Variants in C8orf89 observed in about 807,000 individuals in gnomAD.
C8orf89 encodes putative uncharacterized protein C8orf89.
In C8orf89, 14 loss-of-function variants were observed where a neutral mutation model predicts 15.8. The ratio of observed to expected loss-of-function variants is 0.89; its 90% CI spans 0.59 to 1.39. C8orf89 has a LOEUF of 1.39. C8orf89 is among the 40% of genes most tolerant of loss of function. The probability of loss-of-function intolerance (pLI) is 0.00; values close to 1 mark genes in which losing one functional copy is unlikely to be tolerated. For synonymous variants in C8orf89, 55 were observed against 62.2 expected (o/e 0.88, Z 0.54); for missense variants, 181 against 184.5 (o/e 0.98, Z 0.11).
the C8orf89 span, among the ~76,000 whole-genome samples, chr8:73,274,439 C>T: frequency 2.0e-5 from 3 of 152,164 alleles, no homozygotes; most frequent in African/African-American, 7.2e-5. Flanking sequence ...GTGTGAGCCA[C>T]CGCACCTGGC....
intron 2 of C8orf89, among the ~76,000 whole-genome samples, chr8:73,253,525 G>A (rs554428615): frequency 1.1e-3 from 165 of 151,566 alleles, no homozygotes; most frequent in African/African-American, 3.8e-3. Flanking sequence ...ATTACCTTGG[G>A]CAGTATGGCC....
the C8orf89 span, among the ~76,000 whole-genome samples, chr8:73,271,571 CTTGTACAGCTTGCAGAG>C: frequency 4.6e-5 from 7 of 152,206 alleles, no homozygotes; most frequent in Non-Finnish European, 7.3e-5. Flanking sequence ...AGCCATACTT[CTTGTACAGCTTGCAGAG>C]ACATGAGTGA....
intron 2 of C8orf89, among the ~76,000 whole-genome samples, chr8:73,252,797 T>G (rs1479063325): frequency 1.3e-5 from 2 of 152,174 alleles, no homozygotes; most frequent in African/African-American, 4.8e-5. Flanking sequence ...GAGGTGCAAC[T>G]CAGAATGCTA....
At chr8:73,246,909 T>C (rs906566918) in intron 3 of C8orf89, among the ~76,000 whole-genome samples, 4 of 152,218 alleles carry the variant, frequency 2.6e-5, no homozygotes, top group Admixed American at 2.0e-4. Flanking sequence ...TAGTTTTGGT[T>C]GGTTGTTTGG....
At chr8:73,276,821 T>TTTTTTTG in the C8orf89 span, among the ~76,000 whole-genome samples, 1 of 144,386 alleles carries the variant, frequency 6.9e-6, no homozygotes, top group African/African-American at 2.6e-5. Context: ...TTTTTTTTTT[T>TTTTTTTG]TTTTTTTGAG....
At chr8:73,280,704 T>TACATATATATATACACATATATATAC in the C8orf89 span, among the ~76,000 whole-genome samples, 3,319 of 150,830 alleles carry the variant, frequency 0.022, 58 homozygotes, top group Non-Finnish European at 0.036. Context: ...CACATACATA[T>TACATATATATATACACATATATATAC]ACATATATAT....
chr8:73,277,345 G>A, the C8orf89 span: 4 of 776,662 alleles, frequency 5.2e-6, no homozygotes, highest in East Asian at 9.8e-5. Context: ...CCTGAGCTGG[G>A]CAGTTTCACA....
chr8:73,248,343 C>T (rs1013450962), intron 3 of C8orf89, among the ~76,000 whole-genome samples: 5 of 152,032 alleles, frequency 3.3e-5, no homozygotes, highest in African/African-American at 1.2e-4. Flanking sequence ...GTTACCATAG[C>T]CCTGTACCAC....
At chr8:73,274,705 A>T in the C8orf89 span, among the ~76,000 whole-genome samples, 2 of 152,186 alleles carry the variant, frequency 1.3e-5, no homozygotes, top group African/African-American at 4.8e-5. Flanking sequence ...TGAATCCTTG[A>T]AGTCTGCTTT....
At chr8:73,277,353 A>G in the C8orf89 span, 1 of 883,410 alleles carries the variant, frequency 1.1e-6, no homozygotes, top group East Asian at 2.4e-5. Flanking sequence ...GGGCAGTTTC[A>G]CACGATCATT....
At chr8:73,242,027 A>G (rs1813018251) in intron 3 of C8orf89, among the ~76,000 whole-genome samples, 1 of 152,200 alleles carries the variant, frequency 6.6e-6, no homozygotes, top group Non-Finnish European at 1.5e-5. Context: ...TAAGACCTCA[A>G]ACTATGAATA....
At chr8:73,282,712 A>C in the C8orf89 span, among the ~76,000 whole-genome samples, 2 of 152,244 alleles carry the variant, frequency 1.3e-5, no homozygotes, top group Non-Finnish European at 2.9e-5. Flanking sequence ...AAAAATTAAT[A>C]TGGCAGAGAC....
At chr8:73,257,545 T>C (rs1435310472) in intron 1 of C8orf89, among the ~76,000 whole-genome samples, 2 of 152,198 alleles carry the variant, frequency 1.3e-5, no homozygotes, top group African/African-American at 4.8e-5. Context: ...CAGATGATCA[T>C]CTTAGCTAGC....
the C8orf89 span, among the ~76,000 whole-genome samples, chr8:73,285,623 G>C: frequency 6.6e-6 from 1 of 152,236 alleles, no homozygotes; most frequent in Non-Finnish European, 1.5e-5. Flanking sequence ...TGTGCCCGCA[G>C]CTGCACCGAG....
chr8:73,241,396 A>G lies in C8orf89; in HGVS notation c.*61T>C, dbSNP rs933884877. 145 of 1,284,420 alleles carry G rather than the reference A, an allele frequency of 1.1e-4. No homozygotes were observed. Among genetic ancestry groups the G allele is most frequent in the Non-Finnish European group, 1.4e-4 (144 of 1,007,666 alleles). The allele number at this position is 1,284,420 out of a possible 1,614,324, so 79.6% of individuals were successfully genotyped here. A position where few individuals can be genotyped will look rare whatever the true frequency, so the allele number is the denominator to read the frequency against. ...TAAATCATTTTGCATCATATCATAT[A>G]AAAAAAGAAAATATAAAGCTTAAAA... is the stretch of plus-strand genomic sequence containing the variant. On this transcript the variant is annotated 3_prime_UTR_variant, in exon 4 of 4. Transcript: ENST00000624510.
the C8orf89 span, among the ~76,000 whole-genome samples, chr8:73,278,612 A>C: frequency 6.6e-6 from 1 of 152,134 alleles, no homozygotes; most frequent in Non-Finnish European, 1.5e-5. Flanking sequence ...ATTATAAATT[A>C]TTTTTCCAAA....
chr8:73,285,206 GT>G, the C8orf89 span, among the ~76,000 whole-genome samples: 266 of 152,210 alleles, frequency 1.7e-3, 1 homozygote, highest in Middle Eastern at 3.4e-3. Flanking sequence ...AAGTAAACAC[GT>G]TCCCCCCACT....
chr8:73,275,019 A>T, the C8orf89 span, among the ~76,000 whole-genome samples: 90,810 of 151,974 alleles, frequency 0.6, 27,332 homozygotes, highest in South Asian at 0.76. Flanking sequence ...TATCTTTGTA[A>T]ATGACTCCTA....
chr8:73,281,635 CTTTG>C, the C8orf89 span, among the ~76,000 whole-genome samples: 36 of 119,606 alleles, frequency 3.0e-4, no homozygotes, highest in Admixed American at 5.6e-4. Flanking sequence ...GGAAGGTTTT[CTTTG>C]TTTGTTTGTT....
Sources: allele counts gnomAD v4.1 joint callset (sites outside exome capture counted in the v4.1 genomes callset), GRCh38; gene constraint gnomAD v4.1.1; transcripts MANE v1.5; gene names NCBI Gene and HGNC (gene_info 2026-07-23, HGNC 2026-07-21).